CLDN10: variants seen among roughly 807,000 people sequenced by gnomAD.
The protein encoded by CLDN10 is claudin-10.
In CLDN10, 15 loss-of-function variants were observed where a neutral mutation model predicts 22.9. The observed-to-expected ratio is 0.65, with a 90% CI of 0.44 to 1.01. CLDN10 has a LOEUF of 1.01. CLDN10 is among the 50% of genes least tolerant of loss of function. The probability of loss-of-function intolerance (pLI) is 0.00; values close to 1 mark genes in which losing one functional copy is unlikely to be tolerated. For missense variants in CLDN10, 247 were observed against 287.8 expected, an observed-to-expected ratio of 0.86 and a Z score of 1.03; for synonymous variants, 114 against 111.4, an observed-to-expected ratio of 1.02 and a Z score of -0.15.
intron 1 of CLDN10, among the ~76,000 whole-genome samples, chr13:95,456,980 T>C (rs4473045): frequency 0.57 from 86,302 of 151,870 alleles, 25,036 homozygotes; most frequent in African/African-American, 0.68. Context: ...AGATGGAGTC[T>C]CTGCCAGGCT....
intron 1 of CLDN10, among the ~76,000 whole-genome samples, chr13:95,507,951 G>T (rs2043055882): frequency 6.6e-6 from 1 of 151,988 alleles, no homozygotes; most frequent in South Asian, 2.1e-4. Flanking sequence ...AGCCAGATGT[G>T]GTGTCGTATG....
chr13:95,479,504 A>G (rs748117829), intron 1 of CLDN10: 5 of 152,228 alleles, frequency 3.3e-5, no homozygotes, highest in Non-Finnish European at 5.9e-5. Flanking sequence ...TTTAAAAAAT[A>G]CTTCGCTATA....
intron 1 of CLDN10, among the ~76,000 whole-genome samples, chr13:95,522,666 A>T (rs2043235528): frequency 6.6e-6 from 1 of 152,032 alleles, no homozygotes; most frequent in Non-Finnish European, 1.5e-5. Context: ...ACCCCCCATT[A>T]TGGTTGTAGA....
intron 1 of CLDN10, among the ~76,000 whole-genome samples, chr13:95,532,896 T>C (rs576092920): frequency 2.0e-5 from 3 of 150,504 alleles, no homozygotes; most frequent in African/African-American, 4.9e-5. Flanking sequence ...AAAGAGTACA[T>C]GCTGTTTGAT....
At chr13:95,480,120 G>A (rs1050268577) in intron 1 of CLDN10, among the ~76,000 whole-genome samples, 7 of 152,192 alleles carry the variant, frequency 4.6e-5, no homozygotes, top group African/African-American at 7.2e-5. Context: ...CTTGTGCGGG[G>A]GAGCTCCTTC....
intron 1 of CLDN10, among the ~76,000 whole-genome samples, chr13:95,478,722 C>T (rs76868438): frequency 0.088 from 13,344 of 152,292 alleles, 843 homozygotes; most frequent in South Asian, 0.21. Context: ...CAGTATGGCA[C>T]AGCTGTCGCT....
intron 1 of CLDN10, among the ~76,000 whole-genome samples, chr13:95,507,687 A>G (rs1002959119): frequency 2.0e-5 from 3 of 151,716 alleles, no homozygotes; most frequent in African/African-American, 7.3e-5. Flanking sequence ...GCAATGGTGC[A>G]ATCTTGGTTA....
intron 1 of CLDN10, among the ~76,000 whole-genome samples, chr13:95,485,056 T>A (rs1295983517): frequency 6.6e-6 from 1 of 151,842 alleles, no homozygotes; most frequent in African/African-American, 2.4e-5. Context: ...GGGCAGCAGG[T>A]AATTAGTCAC....
At chr13:95,519,417 C>G (rs1315133894) in intron 1 of CLDN10, among the ~76,000 whole-genome samples, 1 of 152,170 alleles carries the variant, frequency 6.6e-6, no homozygotes. Flanking sequence ...AATCTGAGGT[C>G]TGTTCATTTT....
At chr13:95,572,237 T>C (rs1215768235) in intron 3 of CLDN10, among the ~76,000 whole-genome samples, 1 of 152,176 alleles carries the variant, frequency 6.6e-6, no homozygotes, top group African/African-American at 2.4e-5. Flanking sequence ...GAGAGACAAC[T>C]CCGATCTTTC....
rs150912802 is a variant in CLDN10, at chr13:95,471,358, ATG to A, written c.214+37325_214+37326del. Among the ~76,000 whole-genome samples, 105 of 144,176 alleles carry A rather than the reference ATG, an allele frequency of 7.3e-4. 1 individual carries two copies. The highest frequency in any genetic ancestry group is 2.4e-3 in the African/African-American group (95 of 39,186). 94.6% of individuals were successfully genotyped at this position (144,176 alleles called of 152,430 possible). A position where few individuals can be genotyped will look rare whatever the true frequency, so the allele number is the denominator to read the frequency against. The stretch of plus-strand genomic sequence containing the variant: ...CTTCAGCTCTGACTTATGGATATAT[ATG>A]TGTGTGTGTGTGTATATATATAACA... On this transcript the variant is annotated intron_variant, in intron 1 of 4. Coordinates refer to the CLDN10 transcript ENST00000376873.
intron 3 of CLDN10, among the ~76,000 whole-genome samples, chr13:95,568,183 T>C (rs1207670556): frequency 6.6e-6 from 1 of 152,224 alleles, no homozygotes. Flanking sequence ...ATTTGGAGGA[T>C]GAACTAATGT....
At chr13:95,520,048 A>G (rs1038391345) in intron 1 of CLDN10, among the ~76,000 whole-genome samples, 1 of 152,192 alleles carries the variant, frequency 6.6e-6, no homozygotes, top group African/African-American at 2.4e-5. Context: ...GTACGCGTGC[A>G]TGTGTGTGTG....
At chr13:95,456,110 AAG>A (rs1290244062) in intron 1 of CLDN10, among the ~76,000 whole-genome samples, 1 of 152,220 alleles carries the variant, frequency 6.6e-6, no homozygotes, top group Non-Finnish European at 1.5e-5. Flanking sequence ...AAAAAGCTGA[AAG>A]AGGCTTTTAT....
chr13:95,466,954 G>T (rs2042586587), intron 1 of CLDN10, among the ~76,000 whole-genome samples: 1 of 142,246 alleles, frequency 7.0e-6, no homozygotes, highest in Non-Finnish European at 1.5e-5. Context: ...TCGGCTCACT[G>T]CAAGCTCCAT....
At chr13:95,497,469 G>A (rs920378972) in intron 1 of CLDN10, among the ~76,000 whole-genome samples, 2 of 152,296 alleles carry the variant, frequency 1.3e-5, no homozygotes, top group African/African-American at 4.8e-5. Flanking sequence ...AGCCCTGACA[G>A]GAAGCAGAGC....
chr13:95,451,132 G>A (rs2042428124), intron 1 of CLDN10, among the ~76,000 whole-genome samples: 1 of 152,210 alleles, frequency 6.6e-6, no homozygotes, highest in Admixed American at 6.5e-5. Context: ...GAGTCCTAAA[G>A]TCCTATCACT....
At chr13:95,478,121 A>G (rs2042703242) in intron 1 of CLDN10, among the ~76,000 whole-genome samples, 1 of 151,548 alleles carries the variant, frequency 6.6e-6, no homozygotes, top group South Asian at 2.1e-4. Context: ...CCTGGCCAAC[A>G]TGGCAAAACA....
intron 1 of CLDN10, among the ~76,000 whole-genome samples, chr13:95,488,242 C>T (rs77928460): frequency 1.5e-5 from 1 of 67,878 alleles, no homozygotes. Flanking sequence ...GACCCCATCT[C>T]AAAAAAAAAA....
Sources: gnomAD v4.1 joint callset for allele counts (sites outside exome capture counted in the v4.1 genomes callset) on GRCh38, gnomAD v4.1.1 for gene constraint, MANE v1.5 for transcripts, NCBI Gene and HGNC (gene_info 2026-07-23, HGNC 2026-07-21) for gene names.